Variants in ICA1 observed in about 807,000 individuals in gnomAD.
ICA1 encodes islet cell autoantigen 1, also known as 69 kDa islet cell autoantigen.
In ICA1, 40 loss-of-function variants were observed where a neutral mutation model predicts 71.0. The ratio of observed to expected loss-of-function variants is 0.56; its 90% CI spans 0.44 to 0.73. ICA1 has a LOEUF of 0.73. ICA1 is among the 30% of genes least tolerant of loss of function. The probability of loss-of-function intolerance (pLI) is 0.00; values close to 1 mark genes in which losing one functional copy is unlikely to be tolerated. For synonymous variants in ICA1, 207 were observed against 209.5 expected (o/e 0.99, Z 0.10); for missense variants, 578 against 576.5 (o/e 1.00, Z -0.03).
chr7:8,238,939 T>C (rs1255843769), intron 1 of ICA1, among the ~76,000 whole-genome samples: 3 of 152,230 alleles, frequency 2.0e-5, no homozygotes, highest in East Asian at 3.8e-4. Context: ...AGTTTTATAA[T>C]AGGCTTTGCA....
chr7:8,237,819 G>GACACACACACACACAC (rs57343882), intron 1 of ICA1, among the ~76,000 whole-genome samples: 43 of 142,164 alleles, frequency 3.0e-4, no homozygotes, highest in South Asian at 1.8e-3. Flanking sequence ...GTTGAAGACA[G>GACACACACACACACAC]ACACACACAC....
chr7:8,136,533 G>A (rs954227018), intron 12 of ICA1, among the ~76,000 whole-genome samples: 1 of 152,148 alleles, frequency 6.6e-6, no homozygotes, highest in Non-Finnish European at 1.5e-5. Flanking sequence ...TACCGACCAC[G>A]TTAATATTTA....
intron 8 of ICA1, among the ~76,000 whole-genome samples, chr7:8,146,782 A>T (rs565980761): frequency 1.9e-4 from 27 of 144,792 alleles, no homozygotes; most frequent in African/African-American, 6.8e-4. Flanking sequence ...ATGTGCAGCC[A>T]GGAGGAAGGA....
intron 6 of ICA1, among the ~76,000 whole-genome samples, chr7:8,180,597 C>A (rs1456129606): frequency 2.6e-5 from 4 of 152,144 alleles, no homozygotes; most frequent in African/African-American, 9.7e-5. Context: ...CCAGTTTACA[C>A]TCCGACTATC....
intron 6 of ICA1, among the ~76,000 whole-genome samples, chr7:8,200,297 A>G (rs1435453846): frequency 8.1e-6 from 1 of 124,068 alleles, no homozygotes; most frequent in Non-Finnish European, 1.6e-5. Flanking sequence ...AGAAGTAATT[A>G]GGGCTTCTTA....
chr7:8,248,494 G>C, intron 1 of ICA1, among the ~76,000 whole-genome samples: 1 of 152,152 alleles, frequency 6.6e-6, no homozygotes, highest in Non-Finnish European at 1.5e-5. Context: ...GAGAGGCAAG[G>C]AGGGTGGATT....
chr7:8,219,638 CATT>C (rs1161385025), intron 5 of ICA1, among the ~76,000 whole-genome samples: 1 of 152,204 alleles, frequency 6.6e-6, no homozygotes, highest in Non-Finnish European at 1.5e-5. Flanking sequence ...TTTTCAAAGA[CATT>C]GTTGTGCCAT....
intron 6 of ICA1, among the ~76,000 whole-genome samples, chr7:8,167,624 AAAAT>A (rs1806558742): frequency 6.6e-6 from 1 of 152,086 alleles, no homozygotes; most frequent in Admixed American, 6.6e-5. Context: ...CCCTGAACCT[AAAAT>A]AAATGTTAAA....
Position 8,235,914 on chromosome 7 carries a change from T to C in ICA1, c.13A>G (p.Lys5Glu), listed in dbSNP as rs756089690. The change falls in exon 2 of 14, where the codon AAA becomes GAA. Residue 5 changes from lysine (K) to glutamate (E), a missense_variant. Lys to Glu is a moderately conservative substitution (Grantham distance 56). Transcript: ENST00000402384. The stretch of plus-strand genomic sequence containing the variant: ...AAAAGATGACAAATTACTTACCATT[T>C]GTGTCCTGACATGTTTTCTTCTTCT... MSGHKCSYPWDLQDR... is the reference protein window; with the variant it reads MSGHECSYPWDLQDR... 6.2e-7 allele frequency: 1 copy of C among 1,613,400 alleles called. No individual in the cohort carries two copies. Among genetic ancestry groups the C allele is most frequent in the African/African-American group, 1.3e-5 (1 of 74,922 alleles).
chr7:8,249,788 T>C (rs1430841214), intron 1 of ICA1, among the ~76,000 whole-genome samples: 1 of 152,244 alleles, frequency 6.6e-6, no homozygotes, highest in Non-Finnish European at 1.5e-5. Flanking sequence ...AGTGAACTTT[T>C]CTTCAGAGAA....
At chr7:8,208,861 T>C (rs1471483670) in intron 6 of ICA1, among the ~76,000 whole-genome samples, 3 of 152,154 alleles carry the variant, frequency 2.0e-5, no homozygotes, top group Non-Finnish European at 4.4e-5. Context: ...CATTAAGTGA[T>C]GAAACATGGA....
In ICA1 at chr7:8,232,709, C is replaced by T. The variant is rs773328271; in HGVS notation, c.64G>A (p.Val22Ile). ...LQDRYAQDKS[V>I]VNKMQQKYWE... ...TATTTCTGTTGCATCTTATTTACAACTGACTTATCTTGAGCATATCGATCC... is the reference window on the plus strand; with the variant it reads ...TATTTCTGTTGCATCTTATTTACAATTGACTTATCTTGAGCATATCGATCC... Residue 22 changes from valine (V) to isoleucine (I), a missense_variant, in exon 3 of 14, where the codon GTT (valine) becomes ATT (isoleucine). Physicochemically the swap from Val to Ile is conservative, Grantham distance 29. Coordinates refer to ENST00000402384, the MANE Select transcript of ICA1 (RefSeq NM_001136020.3). 4.0e-5 allele frequency: 65 copies of T among 1,611,906 alleles called. No homozygotes were observed. The highest frequency in any genetic ancestry group is 5.2e-5 in the Non-Finnish European group (61 of 1,179,054).
At chr7:8,120,442 G>C (rs1340268765) in intron 13 of ICA1, among the ~76,000 whole-genome samples, 1 of 152,202 alleles carries the variant, frequency 6.6e-6, no homozygotes, top group Non-Finnish European at 1.5e-5. Flanking sequence ...GATTTCAACT[G>C]TCTTGGCTTC....
At position 8,234,782 on chromosome 7, in the gene ICA1, C is replaced by G. The variant is rs1313659153; in HGVS notation, c.17+1128G>C. 6.6e-6 allele frequency among the ~76,000 whole-genome samples: 1 copy of G among 152,138 alleles called. No individual in the cohort carries two copies. The highest frequency in any genetic ancestry group is 1.9e-4 in the East Asian group (1 of 5,196). ...AAAACTTATGTAAAAGATAATCTCT[C>G]TATAGAATATGCACATTAAAAGGTT... On this transcript the variant is annotated intron_variant, in intron 2 of 13. Coordinates refer to ENST00000402384, the MANE Select transcript of ICA1 (RefSeq NM_001136020.3). The surrounding 1 kb of genome is among the most constrained non-coding windows in gnomAD (Gnocchi z 4.5).
chr7:8,152,490 C>T lies in ICA1; in HGVS notation c.804+4626G>A, dbSNP rs577994088. The stretch of plus-strand genomic sequence containing the variant: ...ATCGCAACAACCACCACAACCATTA[C>T]CGTCACCCTTACCACCACCACTACC... On this transcript the variant is annotated intron_variant, in intron 8 of 13. Coordinates refer to ENST00000402384, the MANE Select transcript of ICA1 (RefSeq NM_001136020.3). 9.5e-4 allele frequency among the ~76,000 whole-genome samples: 143 copies of T among 151,162 alleles called. 2 individuals carry two copies. The highest frequency in any genetic ancestry group is 3.3e-3 in the African/African-American group (135 of 41,148).
intron 10 of ICA1, among the ~76,000 whole-genome samples, chr7:8,140,720 G>A (rs1261790023): frequency 6.6e-6 from 1 of 152,220 alleles, no homozygotes; most frequent in Non-Finnish European, 1.5e-5. Flanking sequence ...TGTACGTGAA[G>A]GTGTACATGT....
At chr7:8,115,367 T>G (rs1784469442) in intron 13 of ICA1, among the ~76,000 whole-genome samples, 1 of 152,166 alleles carries the variant, frequency 6.6e-6, no homozygotes, top group Admixed American at 6.5e-5. Context: ...GGGCAGGGTA[T>G]TGCCTAAAAA....
chr7:8,208,823 T>C (rs1185714436), intron 6 of ICA1, among the ~76,000 whole-genome samples: 1 of 152,168 alleles, frequency 6.6e-6, no homozygotes, highest in Non-Finnish European at 1.5e-5. Flanking sequence ...ACAGGCACTA[T>C]ACATCCCTCT....
At chr7:8,209,769 T>C (rs1165018298) in intron 6 of ICA1, among the ~76,000 whole-genome samples, 2 of 152,000 alleles carry the variant, frequency 1.3e-5, no homozygotes, top group African/African-American at 2.4e-5. Context: ...TGGCTTTAAA[T>C]GATGCCTCAA....
Sources: gnomAD v4.1 joint callset for allele counts (sites outside exome capture counted in the v4.1 genomes callset) on GRCh38, gnomAD v4.1.1 for gene constraint, Gnocchi (gnomAD v3.1) non-coding constraint, MANE v1.5 for transcripts, NCBI Gene and HGNC (gene_info 2026-07-23, HGNC 2026-07-21) for gene names.